The following SLC1A2 variants were observed in gnomAD, a reference collection of about 807,000 sequenced individuals.
The protein encoded by SLC1A2 is solute carrier family 1 member 2, also known as excitatory amino acid transporter 2.
In SLC1A2, 15 loss-of-function variants were observed where a neutral mutation model predicts 48.8. That is an observed-to-expected ratio of 0.31 (90% confidence interval 0.21 to 0.47). The LOEUF (loss-of-function observed/expected upper bound fraction) is 0.47. SLC1A2 is among the 20% of genes least tolerant of loss of function. The probability of loss-of-function intolerance (pLI) is 0.99; values close to 1 mark genes in which losing one functional copy is unlikely to be tolerated. For missense variants in SLC1A2, 502 were observed against 730.5 expected, an observed-to-expected ratio of 0.69 and a Z score of 3.61; for synonymous variants, 279 against 272.6, an observed-to-expected ratio of 1.02 and a Z score of -0.23.
rs114742091 is a variant in SLC1A2 at position 35,339,411 on chromosome 11, A to G, written c.18-21895T>C. Among the ~76,000 whole-genome samples, 193 of 152,284 alleles carry G rather than the reference A, an allele frequency of 1.3e-3. 1 individual carries two copies. The highest frequency in any genetic ancestry group is 4.6e-3 in the African/African-American group (190 of 41,570). The stretch of plus-strand genomic sequence containing the variant: ...CTTCTTATACTCTGCTTTGAAGGGG[A>G]CAGACTCCAGAAGGAAACATGCAGT... On this transcript the variant is annotated intron_variant, in intron 1 of 10. Coordinates refer to ENST00000278379, the MANE Select transcript of SLC1A2 (RefSeq NM_004171.4).
At chr11:35,325,334 T>C (rs564170415) in intron 1 of SLC1A2, among the ~76,000 whole-genome samples, 1 of 152,340 alleles carries the variant, frequency 6.6e-6, no homozygotes, top group South Asian at 2.1e-4. Context: ...AGATGCAGTT[T>C]ACCATGTCGC....
intron 9 of SLC1A2, among the ~76,000 whole-genome samples, chr11:35,267,012 T>TGATCAGA (rs1444547069): frequency 2.0e-4 from 31 of 152,332 alleles, no homozygotes; most frequent in South Asian, 4.1e-4. Flanking sequence ...GAAAAAAATA[T>TGATCAGA]GATCAGAGCT....
At position 35,252,799 on chromosome 11, in the gene SLC1A2, T is replaced by C. The variant is rs2134552287; in HGVS notation, c.*8095A>G. ...ACATCTATACACCATTTCACTGAAA[T>C]TACACCTAGATACCTACATTATAGC... On this transcript the variant is annotated 3_prime_UTR_variant, in exon 11 of 11. Transcript: ENST00000278379. The C allele has an allele frequency of 6.5e-6, 1 of 152,744 alleles. No individual in the cohort carries two copies. The highest frequency in any genetic ancestry group is 1.9e-4 in the East Asian group (1 of 5,184). The allele number at this position is 152,744 out of a possible 1,614,324, so 9.5% of individuals were successfully genotyped here.
At chr11:35,368,889 G>C (rs1853957974) in intron 1 of SLC1A2, among the ~76,000 whole-genome samples, 1 of 152,192 alleles carries the variant, frequency 6.6e-6, no homozygotes, top group South Asian at 2.1e-4. Flanking sequence ...AGCACCACTT[G>C]GAGAAGCAAA....
Position 35,301,636 on chromosome 11 carries a change from C to A in SLC1A2, c.740G>T (p.Gly247Val), listed in dbSNP as rs1851359760. Residue 247 changes from glycine to valine, a missense_variant, in exon 6 of 11, where the codon GGG (glycine) becomes GTG (valine). Coordinates refer to ENST00000278379, the MANE Select transcript of SLC1A2 (RefSeq NM_004171.4). ...AGCGATGCCAAAAGCAATGAAAAAC[C>A]CTATCAGACCTGTTGGATGAATCAC... Reference protein sequence around the residue: ...KDGMNVLGLIGFFIAFGIAMG... With the variant: ...KDGMNVLGLIVFFIAFGIAMG... The A allele has an allele frequency of 6.2e-7, 1 of 1,613,546 alleles. No individual in the cohort carries two copies. The highest frequency in any genetic ancestry group is 1.1e-5 in the South Asian group (1 of 91,056).
chr11:35,385,941 G>A (rs1459066315), intron 1 of SLC1A2, among the ~76,000 whole-genome samples: 3 of 152,156 alleles, frequency 2.0e-5, no homozygotes, highest in Non-Finnish European at 4.4e-5. Flanking sequence ...GCCAAGGCGG[G>A]TGGATCACGA....
At chr11:35,324,918 GGGGT>G (rs1852191508) in intron 1 of SLC1A2, among the ~76,000 whole-genome samples, 1 of 152,130 alleles carries the variant, frequency 6.6e-6, no homozygotes, top group South Asian at 2.1e-4. Flanking sequence ...AGACTGGGGT[GGGGT>G]GTTTGATCAT....
At chr11:35,407,999 C>A (rs7102975) in intron 1 of SLC1A2, among the ~76,000 whole-genome samples, 2,022 of 152,316 alleles carry the variant, frequency 0.013, 46 homozygotes, top group African/African-American at 0.046. Flanking sequence ...ATTCCACTCG[C>A]CACAAATGCT....
intron 1 of SLC1A2, among the ~76,000 whole-genome samples, chr11:35,335,352 G>A (rs1852588477): frequency 6.6e-6 from 1 of 152,154 alleles, no homozygotes; most frequent in Non-Finnish European, 1.5e-5. Context: ...GGCAGCTTCA[G>A]GCCAAGTTCT....
At chr11:35,317,218 A>T (rs1851909434) in intron 2 of SLC1A2, 159 bp downstream of exon 2, 6 of 654,096 alleles carry the variant, frequency 9.2e-6, no homozygotes, top group Non-Finnish European at 1.3e-5. Context: ...GGAGGTAAGG[A>T]GGAAAATTAT....
chr11:35,271,759 C>T (rs1335473853), intron 9 of SLC1A2, among the ~76,000 whole-genome samples: 1 of 152,116 alleles, frequency 6.6e-6, no homozygotes, highest in African/African-American at 2.4e-5. Context: ...GGGAGAATCG[C>T]TTGGGCCTGA....
intron 7 of SLC1A2, 70 bp from the exon 8 acceptor site, chr11:35,287,021 G>T (rs1238566025): frequency 1.7e-6 from 2 of 1,159,074 alleles, no homozygotes; most frequent in African/African-American, 1.5e-5. Flanking sequence ...GCATAAACTG[G>T]AATGCCACTG....
chr11:35,344,551 C>A (rs750479332), intron 1 of SLC1A2, among the ~76,000 whole-genome samples: 3 of 152,170 alleles, frequency 2.0e-5, no homozygotes, highest in Admixed American at 6.6e-5. Flanking sequence ...ACTTTCCTTA[C>A]AATTTCAGAC....
At chr11:35,418,861 G>A (rs1855692432) in intron 1 of SLC1A2, 89 bp downstream of exon 1, 3 of 1,253,820 alleles carry the variant, frequency 2.4e-6, no homozygotes, top group Non-Finnish European at 3.4e-6. Flanking sequence ...GCCCGCCGCC[G>A]CCGCCTCTCT....
Position 35,292,453 on chromosome 11 carries a change from C to G in SLC1A2, c.925G>C (p.Val309Leu). Residue 309 changes from valine to leucine, a missense_variant, in exon 7 of 11, where the codon GTT (valine) becomes CTT (leucine). By Grantham distance (32) the Val-to-Leu change is conservative. Transcript: ENST00000278379. ...KIIAIKDLEV[V>L]ARQLGMYMVT... ...ATGTACATCCCCAGTTGCCTAGCAA[C>G]CACTTCTAAGTCCTTGATTGCAATG... 1.9e-6 allele frequency: 3 copies of G among 1,613,970 alleles called. No homozygotes were observed. The highest frequency in any genetic ancestry group is 2.5e-6 in the Non-Finnish European group (3 of 1,179,906).
intron 6 of SLC1A2, chr11:35,297,982 C>T (rs1565223024): frequency 6.6e-6 from 1 of 152,180 alleles, no homozygotes; most frequent in Non-Finnish European, 1.5e-5. Context: ...AGTCACACAA[C>T]TTGCAATAGG....
chr11:35,328,974 A>G (rs1232261811), intron 1 of SLC1A2, among the ~76,000 whole-genome samples: 1 of 152,254 alleles, frequency 6.6e-6, no homozygotes, highest in African/African-American at 2.4e-5. Flanking sequence ...AGCTTTATTT[A>G]TAATTCCCAA....
chr11:35,394,531 C>G (rs1854892995), intron 1 of SLC1A2, among the ~76,000 whole-genome samples: 1 of 152,190 alleles, frequency 6.6e-6, no homozygotes, highest in Admixed American at 6.5e-5. Context: ...AGAAAAACGA[C>G]CAAATGACCC....
At chr11:35,345,556 G>A (rs1448520028) in intron 1 of SLC1A2, among the ~76,000 whole-genome samples, 2 of 152,194 alleles carry the variant, frequency 1.3e-5, no homozygotes, top group East Asian at 1.9e-4. Flanking sequence ...TGGGACTGGA[G>A]GGGGACCAGT....
Sources: allele counts gnomAD v4.1 joint callset (sites outside exome capture counted in the v4.1 genomes callset), GRCh38; gene constraint gnomAD v4.1.1; transcripts MANE v1.5; gene names NCBI Gene and HGNC (gene_info 2026-07-23, HGNC 2026-07-21).